PRKRIP1: variants seen among roughly 807,000 people sequenced by gnomAD.
The protein encoded by PRKRIP1 is PRKR interacting protein 1, also known as PRKR-interacting protein 1.
Under a neutral mutation model 29.3 loss-of-function variants are expected in PRKRIP1, and 29 were observed. The ratio of observed to expected loss-of-function variants is 0.99; its 90% CI spans 0.74 to 1.35. PRKRIP1 has a LOEUF of 1.35. PRKRIP1 is among the 40% of genes most tolerant of loss of function. PRKRIP1 has a pLI of 0.00. For synonymous variants in PRKRIP1, 90 were observed against 85.1 expected, an observed-to-expected ratio of 1.06 and a Z score of -0.32; for missense variants, 247 against 236.8, an observed-to-expected ratio of 1.04 and a Z score of -0.28.
At position 102,407,410 on chromosome 7, in the gene PRKRIP1, A is replaced by G. The variant is rs782485431; in HGVS notation, c.393-24A>G. Reference sequence around the variant, plus strand: ...ATACCATAATGTAGTTAAGGAATCAATGTATATGGTTTTACATTTTTAGCC... The same window carrying G: ...ATACCATAATGTAGTTAAGGAATCAGTGTATATGGTTTTACATTTTTAGCC... On this transcript the variant is annotated intron_variant, in intron 4 of 5. Transcript: ENST00000397912. The G allele has an allele frequency of 2.5e-5, 37 of 1,472,398 alleles. No individual in the cohort carries two copies. The East Asian group carries it at 5.0e-4, about 20-fold the overall frequency. 91.2% of individuals were successfully genotyped at this position (1,472,398 alleles called of 1,614,324 possible). A position where few individuals can be genotyped will look rare whatever the true frequency, so the allele number is the denominator to read the frequency against.
chr7:102,396,948 GC>G (rs1235880604), intron 1 of PRKRIP1, among the ~76,000 whole-genome samples: 1 of 152,044 alleles, frequency 6.6e-6, no homozygotes, highest in Non-Finnish European at 1.5e-5. Context: ...CCCCCTCTGG[GC>G]CTCGGTCCCC....
At chr7:102,420,234 A>C (rs541826769) in intron 5 of PRKRIP1, among the ~76,000 whole-genome samples, 2 of 152,280 alleles carry the variant, frequency 1.3e-5, no homozygotes, top group South Asian at 4.1e-4. Context: ...AACTGAGTAC[A>C]TCTGCAGGAA....
chr7:102,404,038 C>T (rs1796142292), intron 3 of PRKRIP1, among the ~76,000 whole-genome samples: 1 of 152,166 alleles, frequency 6.6e-6, no homozygotes, highest in African/African-American at 2.4e-5. Flanking sequence ...TAATGGCATG[C>T]ACCCATAGTC....
At chr7:102,416,998 G>A (rs1352472471) in intron 5 of PRKRIP1, among the ~76,000 whole-genome samples, 1 of 151,994 alleles carries the variant, frequency 6.6e-6, no homozygotes, top group Non-Finnish European at 1.5e-5. Context: ...TGGGACTACA[G>A]GCACCCACCA....
At chr7:102,399,166 T>C (rs1554570860) in intron 2 of PRKRIP1, among the ~76,000 whole-genome samples, 1 of 152,170 alleles carries the variant, frequency 6.6e-6, no homozygotes, top group Non-Finnish European at 1.5e-5. Flanking sequence ...TACAAAAATA[T>C]GATTGTTCTA....
chr7:102,399,697 G>A (rs548566521), intron 3 of PRKRIP1, 49 bp downstream of exon 3: 53 of 1,429,680 alleles, frequency 3.7e-5, no homozygotes, highest in South Asian at 2.2e-4. Context: ...GGCAGTGTGC[G>A]TGTACTTTCT....
chr7:102,422,319 G>A (rs945805923), intron 5 of PRKRIP1, among the ~76,000 whole-genome samples: 3 of 151,284 alleles, frequency 2.0e-5, no homozygotes, highest in Admixed American at 6.6e-5. Context: ...GATGACAGGC[G>A]TGAGCCACCA....
intron 1 of PRKRIP1, 45 bp from the exon 2 acceptor site, chr7:102,397,575 G>T (rs1034856447): frequency 1.3e-6 from 2 of 1,491,796 alleles, no homozygotes; most frequent in Non-Finnish European, 1.9e-6. Flanking sequence ...ATATAATTTT[G>T]TCAACAGGTT....
At chr7:102,424,332 C>A (rs1402404549) in intron 5 of PRKRIP1, among the ~76,000 whole-genome samples, 3 of 152,248 alleles carry the variant, frequency 2.0e-5, no homozygotes, top group Non-Finnish European at 4.4e-5. Flanking sequence ...TGCCTGCGGC[C>A]GGCGTCCTGG....
chr7:102,405,992 G>T, intron 4 of PRKRIP1: 1 of 248,260 alleles, frequency 4.0e-6, no homozygotes, highest in African/African-American at 2.3e-5. Flanking sequence ...TTGAAGAAGT[G>T]GTAGTCGGTT....
chr7:102,424,470 TCTGG>T (rs1200652199), intron 5 of PRKRIP1, among the ~76,000 whole-genome samples: 2 of 152,216 alleles, frequency 1.3e-5, no homozygotes, highest in Non-Finnish European at 2.9e-5. Flanking sequence ...ATGCTCGGCT[TCTGG>T]CTGGCAGTCA....
intron 3 of PRKRIP1, among the ~76,000 whole-genome samples, chr7:102,401,515 C>T (rs1554571160): frequency 1.3e-5 from 2 of 152,172 alleles, no homozygotes; most frequent in Non-Finnish European, 1.5e-5. Flanking sequence ...GGGTGGATCA[C>T]TTGAGGTCAG....
At chr7:102,420,596 C>T (rs925968055) in intron 5 of PRKRIP1, among the ~76,000 whole-genome samples, 7 of 152,122 alleles carry the variant, frequency 4.6e-5, no homozygotes, top group Admixed American at 6.6e-5. Context: ...AATGACTTGT[C>T]TGTGCCCCCG....
rs1554571603 is a variant in PRKRIP1 at position 102,404,615 on chromosome 7, G to C, written c.324G>C (p.Glu108Asp). ...TGTTGCAGCAAAAATTGGATGCAGA[G>C]TTTCAGAAAAGACTGGAAAAGAATA... ...AMAEKQKLDA[E>D]FQKRLEKNKI... Residue 108 changes from glutamate (E) to aspartate (D), a missense_variant, in exon 4 of 6, where the codon GAG becomes GAC. Glu to Asp is a conservative substitution (Grantham distance 45, BLOSUM62 2). Transcript: ENST00000397912. The C allele has an allele frequency of 3.1e-6, 5 of 1,613,906 alleles. No homozygotes were observed. In the Admixed American group the frequency reaches 8.3e-5, roughly 27 times the overall value.
intron 4 of PRKRIP1, among the ~76,000 whole-genome samples, chr7:102,405,148 A>G (rs536932406): frequency 9.9e-5 from 15 of 152,224 alleles, no homozygotes; most frequent in Non-Finnish European, 2.1e-4. Flanking sequence ...GCTAGTCTTG[A>G]ACTCCTCACC....
At chr7:102,406,858 A>G (rs1796237098) in intron 4 of PRKRIP1, among the ~76,000 whole-genome samples, 1 of 151,346 alleles carries the variant, frequency 6.6e-6, no homozygotes, top group South Asian at 2.1e-4. Flanking sequence ...TAAACAAGTA[A>G]TAAGTCATTA....
At position 102,423,176 on chromosome 7, in the gene PRKRIP1, G is replaced by A. The variant is rs554171795; in HGVS notation, c.458-1838G>A. 312 of 447,476 alleles carry A rather than the reference G, an allele frequency of 7.0e-4. 3 individuals carry two copies. The highest frequency in any genetic ancestry group is 4.7e-3 in the Admixed American group (192 of 41,176). 27.7% of individuals were successfully genotyped at this position (447,476 alleles called of 1,614,324 possible). A position where few individuals can be genotyped will look rare whatever the true frequency, so the allele number is the denominator to read the frequency against. ...GTCACCCAGGCTGGAGTGCAGTGGCGCTATCTCGGCTCACTGCAACCTTTG... is the reference window on the plus strand; with the variant it reads ...GTCACCCAGGCTGGAGTGCAGTGGCACTATCTCGGCTCACTGCAACCTTTG... On this transcript the variant is annotated intron_variant, in intron 5 of 5. Coordinates refer to ENST00000397912, the MANE Select transcript of PRKRIP1 (RefSeq NM_024653.4).
chr7:102,412,967 C>A (rs7797435), intron 5 of PRKRIP1, among the ~76,000 whole-genome samples: 68,495 of 152,034 alleles, frequency 0.45, 15,949 homozygotes, highest in Middle Eastern at 0.63. Context: ...ATTCCCACAC[C>A]ACTCTTACTT....
intron 5 of PRKRIP1, among the ~76,000 whole-genome samples, chr7:102,419,554 C>T (rs1372337292): frequency 1.3e-5 from 2 of 152,190 alleles, no homozygotes; most frequent in Non-Finnish European, 2.9e-5. Context: ...CGTGTTTCCC[C>T]TGTTCAGCCT....
Sources: gnomAD v4.1 joint callset for allele counts (sites outside exome capture counted in the v4.1 genomes callset) on GRCh38, gnomAD v4.1.1 for gene constraint, MANE v1.5 for transcripts, NCBI Gene and HGNC (gene_info 2026-07-23, HGNC 2026-07-21) for gene names.